Variants in CDH4 observed in about 807,000 individuals in gnomAD.
The protein encoded by CDH4 is cadherin-4.
In CDH4, 33 loss-of-function variants were observed where a neutral mutation model predicts 86.0. That is an observed-to-expected ratio of 0.38 (90% CI 0.29 to 0.51). The LOEUF (loss-of-function observed/expected upper bound fraction) is 0.51, where lower values mean the gene tolerates loss of function less well. Ranked by LOEUF, CDH4 falls within the 20% of genes least tolerant of loss-of-function variation. The pLI is 0.86. For synonymous variants in CDH4, 555 were observed against 549.4 expected (o/e 1.01, Z -0.14); for missense variants, 1,114 against 1,307.4 (o/e 0.85, Z 2.28).
intron 4 of CDH4, among the ~76,000 whole-genome samples, chr20:61,826,962 A>AGTGTGTAT (rs770422600): frequency 0.022 from 3,202 of 146,048 alleles, 100 homozygotes; most frequent in African/African-American, 0.065. Context: ...AGAAGGGAAA[A>AGTGTGTAT]GTGTGTGTGT....
intron 2 of CDH4, among the ~76,000 whole-genome samples, chr20:61,353,638 C>T (rs1438278665): frequency 5.3e-5 from 3 of 57,014 alleles, no homozygotes; most frequent in Non-Finnish European, 7.6e-5. Flanking sequence ...CATCCTCCTC[C>T]TCTTCCCCCT....
intron 2 of CDH4, among the ~76,000 whole-genome samples, chr20:61,498,043 A>T: frequency 8.1e-6 from 1 of 122,844 alleles, no homozygotes; most frequent in South Asian, 2.7e-4. Flanking sequence ...AACATCACAC[A>T]CAGGGGCCTG....
intron 2 of CDH4, among the ~76,000 whole-genome samples, chr20:61,591,059 G>A (rs1205744742): frequency 6.6e-6 from 1 of 152,170 alleles, no homozygotes; most frequent in East Asian, 1.9e-4. Context: ...AAGTACCAGG[G>A]CTAGATCCAC....
intron 2 of CDH4, among the ~76,000 whole-genome samples, chr20:61,388,095 C>T (rs189498234): frequency 1.5e-4 from 23 of 152,330 alleles, no homozygotes; most frequent in Admixed American, 1.3e-3. Context: ...ATATGGTATA[C>T]CACTGTTTGA....
intron 2 of CDH4, among the ~76,000 whole-genome samples, chr20:61,538,727 C>A (rs191273432): frequency 6.6e-6 from 1 of 152,186 alleles, no homozygotes; most frequent in Non-Finnish European, 1.5e-5. Flanking sequence ...CCACTGGGTG[C>A]GACTGTCCCC....
chr20:61,908,275 G>T (rs1246084255), intron 8 of CDH4, among the ~76,000 whole-genome samples: 1 of 152,168 alleles, frequency 6.6e-6, no homozygotes, highest in Non-Finnish European at 1.5e-5. Flanking sequence ...CTGGGAAAGG[G>T]GACCAGCGTA....
At chr20:61,720,369 C>T (rs2088022729) in intron 2 of CDH4, among the ~76,000 whole-genome samples, 1 of 151,710 alleles carries the variant, frequency 6.6e-6, no homozygotes, top group African/African-American at 2.4e-5. Flanking sequence ...GCAGGGGACA[C>T]GTGCAGGGGT....
At chr20:61,705,489 G>A (rs2087819641) in intron 2 of CDH4, among the ~76,000 whole-genome samples, 1 of 152,236 alleles carries the variant, frequency 6.6e-6, no homozygotes, top group Non-Finnish European at 1.5e-5. Flanking sequence ...GTGCCCCAGT[G>A]GCCATCTTCA....
At chr20:61,588,878 G>C (rs1169802862) in intron 2 of CDH4, among the ~76,000 whole-genome samples, 1 of 152,210 alleles carries the variant, frequency 6.6e-6, no homozygotes, top group African/African-American at 2.4e-5. Context: ...TTGATTGTAA[G>C]CCTCGAGGGC....
intron 2 of CDH4, among the ~76,000 whole-genome samples, chr20:61,482,641 G>C (rs558238086): frequency 6.6e-6 from 1 of 152,278 alleles, no homozygotes; most frequent in South Asian, 2.1e-4. Context: ...ACAGGGCTGG[G>C]TTTTACTCAG....
chr20:61,841,160 A>G (rs1200256750), intron 4 of CDH4, among the ~76,000 whole-genome samples: 2 of 152,176 alleles, frequency 1.3e-5, no homozygotes, highest in Admixed American at 1.3e-4. Flanking sequence ...TCCTCAGCCC[A>G]GTGCCACTCA....
chr20:61,275,078 A>C (rs1383743699), intron 2 of CDH4, among the ~76,000 whole-genome samples: 8 of 43,880 alleles, frequency 1.8e-4, no homozygotes, highest in Admixed American at 6.6e-4. Flanking sequence ...GGGGAGTACC[A>C]TGTGTAGTTT....
At chr20:61,603,509 G>T (rs558759279) in intron 2 of CDH4, among the ~76,000 whole-genome samples, 52 of 152,332 alleles carry the variant, frequency 3.4e-4, no homozygotes, top group Non-Finnish European at 5.7e-4. Flanking sequence ...GGCAGGGCCA[G>T]GCTGTGGAGG....
At chr20:61,337,347 TAAC>T (rs1353108353) in intron 2 of CDH4, among the ~76,000 whole-genome samples, 1 of 300 alleles carries the variant, frequency 3.3e-3, no homozygotes, top group African/African-American at 8.9e-3. Context: ...ATGGTGATGA[TAAC>T]AATGGTGATG....
At chr20:61,691,417 ATGTGTG>A (rs534856898) in intron 2 of CDH4, among the ~76,000 whole-genome samples, 5 of 150,796 alleles carry the variant, frequency 3.3e-5, no homozygotes, top group African/African-American at 1.2e-4. Flanking sequence ...GGATGTGTGG[ATGTGTG>A]TGTGCGTGTG....
At chr20:61,537,644 C>T (rs1451100586) in intron 2 of CDH4, among the ~76,000 whole-genome samples, 5 of 152,216 alleles carry the variant, frequency 3.3e-5, no homozygotes, top group Non-Finnish European at 5.9e-5. Context: ...CGGACAGGCA[C>T]GCACTGCCCT....
chr20:61,320,031 T>G (rs1201967648), intron 2 of CDH4, among the ~76,000 whole-genome samples: 1 of 152,136 alleles, frequency 6.6e-6, no homozygotes, highest in Non-Finnish European at 1.5e-5. Context: ...GTTGAGCACT[T>G]GAAATTTGTT....
chr20:61,476,977 C>T (rs1454987633), intron 2 of CDH4, among the ~76,000 whole-genome samples: 4 of 152,194 alleles, frequency 2.6e-5, no homozygotes, highest in Non-Finnish European at 5.9e-5. Flanking sequence ...CCGGGAGAGA[C>T]AGAGAGGCCA....
intron 2 of CDH4, among the ~76,000 whole-genome samples, chr20:61,534,015 G>A (rs1457233861): frequency 6.6e-6 from 1 of 152,198 alleles, no homozygotes; most frequent in Non-Finnish European, 1.5e-5. Flanking sequence ...TGGACTGAAT[G>A]TTAACAGATT....
Sources: gnomAD v4.1 joint callset for allele counts (sites outside exome capture counted in the v4.1 genomes callset) on GRCh38, gnomAD v4.1.1 for gene constraint, MANE v1.5 for transcripts, NCBI Gene and HGNC (gene_info 2026-07-23, HGNC 2026-07-21) for gene names.